COL1A1: variants seen among roughly 807,000 people sequenced by gnomAD.
The protein encoded by COL1A1 is collagen alpha-1(I) chain.
COL1A1 carries 21 observed loss-of-function variants against 195.7 expected under a neutral mutation model. That is an observed-to-expected ratio of 0.11 (90% CI 0.08 to 0.15). COL1A1 has a LOEUF of 0.15. Among genes scored for constraint, COL1A1 ranks in the 10% least tolerant of loss-of-function variants. The probability of loss-of-function intolerance (pLI) is 1.00; values close to 1 mark genes in which losing one functional copy is unlikely to be tolerated. For missense variants in COL1A1, 1,365 were observed against 2,051.0 expected (o/e 0.67, Z 6.46); for synonymous variants, 749 against 747.3 (o/e 1.00, Z -0.04).
chr17:50,196,105 C>CTGAG (rs1907560526), intron 15 of COL1A1, 50 bp downstream of exon 15: 1 of 1,612,074 alleles, frequency 6.2e-7, no homozygotes, highest in African/African-American at 1.3e-5. Context: ...AGAGCAGATA[C>CTGAG]TGAGACCCCT....
In COL1A1 at chr17:50,188,357, G is replaced by A. The variant is rs1248048408; in HGVS notation, c.3207+173C>T. Reference sequence around the variant, plus strand: ...GAGAGGCGGTCCTGTCTGGGAGAGGGGACTTGGGGCTGAGCTTTAACTCAG... The same window carrying A: ...GAGAGGCGGTCCTGTCTGGGAGAGGAGACTTGGGGCTGAGCTTTAACTCAG... On this transcript the variant is annotated intron_variant, in intron 43 of 50. Transcript: ENST00000225964. The surrounding 1 kb of genome is among the most constrained non-coding windows in gnomAD (Gnocchi z 5.6). 2.4e-6 allele frequency: 2 copies of A among 817,562 alleles called. No homozygotes were observed. The highest frequency in any genetic ancestry group is 3.9e-6 in the Non-Finnish European group (2 of 514,698). The allele number at this position is 817,562 out of a possible 1,614,324, so 50.6% of individuals were successfully genotyped here. A position where few individuals can be genotyped will look rare whatever the true frequency, so the allele number is the denominator to read the frequency against.
rs1328272630 is a variant in COL1A1, at chr17:50,186,253, T to G, written c.4005+64A>C. Reference sequence around the variant, plus strand: ...AGCAGAGACCTACTCCAGGACTTCATGTCCCTTCTGAGCACTGGGCTAGCC... The same window carrying G: ...AGCAGAGACCTACTCCAGGACTTCAGGTCCCTTCTGAGCACTGGGCTAGCC... On this transcript the variant is annotated intron_variant, in intron 49 of 50. Coordinates refer to ENST00000225964, the MANE Select transcript of COL1A1 (RefSeq NM_000088.4). This position sits in a 1 kb window ranked among gnomAD's most constrained non-coding sequence, Gnocchi z 5.3. 1 of 1,601,888 alleles carries G rather than the reference T, an allele frequency of 6.2e-7. No homozygotes were observed. The highest frequency in any genetic ancestry group is 8.5e-7 in the Non-Finnish European group (1 of 1,172,642).
At chr17:50,191,748 C>T (rs1197627679) in intron 31 of COL1A1, 40 bp downstream of exon 31, 1 of 1,548,330 alleles carries the variant, frequency 6.5e-7, no homozygotes, top group East Asian at 2.4e-5. Context: ...AGACCTGGTC[C>T]CTGGGCCACT....
chr17:50,199,391 C>T (rs746797147), intron 4 of COL1A1, 27 bp downstream of exon 4: 19 of 1,612,954 alleles, frequency 1.2e-5, no homozygotes, highest in Middle Eastern at 1.7e-4. Context: ...ACCTGCAGCC[C>T]CCCACAGCCC....
chr17:50,195,422 C>T lies in COL1A1; in HGVS notation c.1200+12G>A, dbSNP rs1212409000. Reference sequence around the variant, plus strand: ...CGGCAGGAGTGGGACTGAAGCCTGGCAGGATACTTACATTGGCACCTTTAG... The same window carrying T: ...CGGCAGGAGTGGGACTGAAGCCTGGTAGGATACTTACATTGGCACCTTTAG... On this transcript the variant is annotated intron_variant, in intron 18 of 50. Coordinates refer to ENST00000225964, the MANE Select transcript of COL1A1 (RefSeq NM_000088.4). This position sits in a 1 kb window ranked among gnomAD's most constrained non-coding sequence, Gnocchi z 4.3. The T allele has an allele frequency of 6.2e-7, 1 of 1,614,086 alleles. No individual in the cohort carries two copies. Among genetic ancestry groups the T allele is most frequent in the South Asian group, 1.1e-5 (1 of 91,084 alleles).
intron 11 of COL1A1, 53 bp from the exon 12 acceptor site, chr17:50,196,723 C>G (rs1384747767): frequency 2.5e-6 from 4 of 1,581,056 alleles, no homozygotes; most frequent in Non-Finnish European, 2.6e-6. Context: ...GTGGAACAGC[C>G]TTGACATCCA....
chr17:50,196,193 G>A lies in COL1A1; in HGVS notation c.964C>T (p.Arg322Cys), dbSNP rs777644312. Residue 322 changes from arginine (R) to cysteine (C), a missense_variant, in exon 15 of 51, where the codon CGT becomes TGT. By Grantham distance (180) the Arg-to-Cys change is radical (BLOSUM62 -3). This residue lies in a region of COL1A1 where 226 missense variants were observed against 372.9 expected (regional missense o/e 0.61). Transcript: ENST00000225964. Reference sequence around the variant, plus strand: ...GCACCAGTAGCACCATCATTTCCACGAGCACCCTGCAGGAGAGAGGGGAAG... The same window carrying A: ...GCACCAGTAGCACCATCATTTCCACAAGCACCCTGCAGGAGAGAGGGGAAG... ...RPGAPGPAGA[R>C]GNDGATGAAG... The A allele has an allele frequency of 1.2e-6, 2 of 1,613,906 alleles. No homozygotes were observed. The highest frequency in any genetic ancestry group is 1.3e-5 in the African/African-American group (1 of 74,882).
rs373611041 is a variant in COL1A1, at chr17:50,195,659, C to T, written c.1063G>A (p.Ala355Thr). The T allele has an allele frequency of 6.2e-7, 1 of 1,613,680 alleles. No homozygotes were observed. The highest frequency in any genetic ancestry group is 8.5e-7 in the Non-Finnish European group (1 of 1,179,890). ...GAGCCTCGGGGCCCTTGGGGACCAG[C>T]TTCACCCTGAATCAGAAGAAAGGAC... Reference protein sequence around the residue: ...FPGAVGAKGEAGPQGPRGSEG... With the variant: ...FPGAVGAKGETGPQGPRGSEG... Residue 355 changes from alanine to threonine, a missense_variant, in exon 17 of 51, where the codon GCT (alanine) becomes ACT (threonine). By Grantham distance (58) the Ala-to-Thr change is moderately conservative. Around this residue, in one of 5 missense-constraint regions of COL1A1, gnomAD observed 226 missense variants for 372.9 expected, o/e 0.61. Transcript: ENST00000225964. This position sits in a 1 kb window ranked among gnomAD's most constrained non-coding sequence, Gnocchi z 4.3.
chr17:50,185,477 G>C lies in COL1A1; in HGVS notation c.*25C>G. On this transcript the variant is annotated 3_prime_UTR_variant, in exon 51 of 51. Coordinates refer to ENST00000225964, the MANE Select transcript of COL1A1 (RefSeq NM_000088.4). ...GGGGGGAAAGTTGGTTGGGTGGGAG[G>C]GAGCCAGGTTGGGATGGAGGGAGTT... is the stretch of plus-strand genomic sequence containing the variant. The C allele has an allele frequency of 6.2e-7, 1 of 1,613,660 alleles. No homozygotes were observed. The highest frequency in any genetic ancestry group is 8.5e-7 in the Non-Finnish European group (1 of 1,179,964).
Position 50,190,355 on chromosome 17 carries a change from G to T in COL1A1, c.2423C>A (p.Pro808His). 6.2e-7 allele frequency: 1 copy of T among 1,611,462 alleles called. No homozygotes were observed. The highest frequency in any genetic ancestry group is 1.3e-5 in the African/African-American group (1 of 74,904). ...GGGGCCAGCAAAGCCAGCAGGGCCGGGGGGACCAGGCTCACCACGGTCTCC... is the reference window on the plus strand; with the variant it reads ...GGGGCCAGCAAAGCCAGCAGGGCCGTGGGGACCAGGCTCACCACGGTCTCC... ...APGDRGEPGP[P>H]GPAGFAGPPG... The change falls in exon 35 of 51, where the codon CCC becomes CAC. Residue 808 changes from proline (P) to histidine (H), a missense_variant. By Grantham distance (77) the Pro-to-His change is moderately conservative. This residue lies in a region of COL1A1 where 671 missense variants were observed against 1,099.9 expected (regional missense o/e 0.61). Transcript: ENST00000225964. This position sits in a 1 kb window ranked among gnomAD's most constrained non-coding sequence, Gnocchi z 4.7.
At chr17:50,199,714 CCCCA>C (rs771619112) in intron 2 of COL1A1, 35 bp downstream of exon 2, 9 of 224,784 alleles carry the variant, frequency 4.0e-5, no homozygotes, top group Admixed American at 1.9e-4. Flanking sequence ...AGGCCCCAGG[CCCCA>C]GGCCCCAGGC....
At position 50,188,200 on chromosome 17, in the gene COL1A1, G is replaced by A; in HGVS notation, c.3208-51C>T. The A allele has an allele frequency of 2.0e-6, 3 of 1,485,592 alleles. No homozygotes were observed. Among genetic ancestry groups the A allele is most frequent in the Non-Finnish European group, 2.7e-6 (3 of 1,102,028 alleles). 92.0% of individuals were successfully genotyped at this position (1,485,592 alleles called of 1,614,324 possible). ...CTCTTGGCCAGGGAAGGCTGAGGCT[G>A]GGGCTGCAGGATGAGGCCTCCCCTC... is the stretch of plus-strand genomic sequence containing the variant. On this transcript the variant is annotated intron_variant, in intron 43 of 50. Transcript: ENST00000225964. The surrounding 1 kb of genome is among the most constrained non-coding windows in gnomAD (Gnocchi z 5.6).
Position 50,189,803 on chromosome 17 carries a change from G to T in COL1A1, c.2613+56C>A. The T allele has an allele frequency of 1.9e-6, 3 of 1,611,414 alleles. No homozygotes were observed. The highest frequency in any genetic ancestry group is 2.5e-6 in the Non-Finnish European group (3 of 1,178,332). ...TCATCCGACCCAGCTGCCCTCACCT[G>T]CCACCGCTGCCTGGGGAGAGGGGAG... On this transcript the variant is annotated intron_variant, in intron 37 of 50. Transcript: ENST00000225964. This position sits in a 1 kb window ranked among gnomAD's most constrained non-coding sequence, Gnocchi z 5.5.
In COL1A1 at chr17:50,195,109, G is replaced by C. The variant is rs780311548; in HGVS notation, c.1300-9C>G. The C allele has an allele frequency of 6.2e-7, 1 of 1,613,554 alleles. No individual in the cohort carries two copies. Among genetic ancestry groups the C allele is most frequent in the Non-Finnish European group, 8.5e-7 (1 of 1,179,758 alleles). Reference sequence around the variant, plus strand: ...GGAGCACCAGGTTCACCCTGCAAGGGGGGAGAAGAGGATGAGCTGAGAGTC... The same window carrying C: ...GGAGCACCAGGTTCACCCTGCAAGGCGGGAGAAGAGGATGAGCTGAGAGTC... On this transcript the variant is annotated splice_polypyrimidine_tract_variant and intron_variant, in intron 19 of 50. Coordinates refer to ENST00000225964, the MANE Select transcript of COL1A1 (RefSeq NM_000088.4). The surrounding 1 kb of genome is among the most constrained non-coding windows in gnomAD (Gnocchi z 4.3).
At position 50,185,459 on chromosome 17, in the gene COL1A1, A is replaced by C. The variant is rs746061442; in HGVS notation, c.*43T>G. ...CTTGTCTGTTTCCGGGTTGGGGGGA[A>C]AGTTGGTTGGGTGGGAGGGAGCCAG... On this transcript the variant is annotated 3_prime_UTR_variant, in exon 51 of 51. Coordinates refer to ENST00000225964, the MANE Select transcript of COL1A1 (RefSeq NM_000088.4). The C allele has an allele frequency of 6.2e-7, 1 of 1,612,228 alleles. No homozygotes were observed. Among genetic ancestry groups the C allele is most frequent in the Non-Finnish European group, 8.5e-7 (1 of 1,179,286 alleles).
At chr17:50,197,668 A>G in intron 9 of COL1A1, 64 bp downstream of exon 9, 3 of 1,357,826 alleles carry the variant, frequency 2.2e-6, no homozygotes, top group Non-Finnish European at 3.0e-6. Context: ...TGGAGTGGAA[A>G]TTGCAGGACC....
In COL1A1 at chr17:50,190,237, G is replaced by A; in HGVS notation, c.2451+90C>T. On this transcript the variant is annotated intron_variant, in intron 35 of 50. Transcript: ENST00000225964. This position sits in a 1 kb window ranked among gnomAD's most constrained non-coding sequence, Gnocchi z 4.7. ...AATCCCGTCTCCACCCTTCTCCCCT[G>A]AGGATGGCTGACGCCTTTGTCCTCA... 1 of 1,274,686 alleles carries A rather than the reference G, an allele frequency of 7.8e-7. No homozygotes were observed. Among genetic ancestry groups the A allele is most frequent in the Non-Finnish European group, 1.1e-6 (1 of 870,686 alleles). 79.0% of individuals were successfully genotyped at this position (1,274,686 alleles called of 1,614,324 possible). A position where few individuals can be genotyped will look rare whatever the true frequency, so the allele number is the denominator to read the frequency against.
rs72648343 is a variant in COL1A1 at position 50,194,768 on chromosome 17, G to C, written c.1414C>G (p.Arg472Gly). The C allele has an allele frequency of 6.4e-7, 1 of 1,573,990 alleles. No homozygotes were observed. The highest frequency in any genetic ancestry group is 8.6e-7 in the Non-Finnish European group (1 of 1,159,006). ...PAGEEGKRGARGEPGPTGLPG... is the reference protein window; with the variant it reads ...PAGEEGKRGAGGEPGPTGLPG... Reference sequence around the variant, plus strand: ...AGGCCAGTGGGTCCGGGTTCACCTCGAGCTCCTCGCTTTCCTTCCTCTCCA... The same window carrying C: ...AGGCCAGTGGGTCCGGGTTCACCTCCAGCTCCTCGCTTTCCTTCCTCTCCA... Residue 472 changes from arginine (R) to glycine (G), a missense_variant, in exon 21 of 51, where the codon CGA (arginine) becomes GGA (glycine). Physicochemically the swap from Arg to Gly is moderately radical, Grantham distance 125. Around this residue, in one of 5 missense-constraint regions of COL1A1, gnomAD observed 671 missense variants for 1,099.9 expected, o/e 0.61. Transcript: ENST00000225964. The surrounding 1 kb of genome is among the most constrained non-coding windows in gnomAD (Gnocchi z 6.8).
intron 9 of COL1A1, 49 bp downstream of exon 9, chr17:50,197,683 C>A (rs1450637797): frequency 6.8e-7 from 1 of 1,474,756 alleles, no homozygotes; most frequent in Non-Finnish European, 9.2e-7. Context: ...AGGACCCAAC[C>A]CATGGAGGCC....
Sources: allele counts gnomAD v4.1 joint callset, GRCh38; gene constraint gnomAD v4.1.1; regional missense constraint gnomAD v4.1.1; non-coding constraint Gnocchi (gnomAD v3.1); transcripts MANE v1.5; gene names NCBI Gene and HGNC (gene_info 2026-07-23, HGNC 2026-07-21).